Variants in WDFY3 observed in about 807,000 individuals in gnomAD.
The protein encoded by WDFY3 is WD repeat and FYVE domain-containing protein 3.
Under a neutral mutation model 409.6 loss-of-function variants are expected in WDFY3, and 66 were observed. The ratio of observed to expected loss-of-function variants is 0.16; its 90% CI spans 0.13 to 0.20. The LOEUF (loss-of-function observed/expected upper bound fraction) is 0.20. Ranked by LOEUF, WDFY3 falls within the 10% of genes least tolerant of loss-of-function variation. WDFY3 has a pLI of 1.00. For missense variants in WDFY3, 3,031 were observed against 4,298.1 expected (o/e 0.71, Z 8.24); for synonymous variants, 1,521 against 1,537.1 (o/e 0.99, Z 0.25).
intron 33 of WDFY3, 71 bp from the exon 34 acceptor site, chr4:84,755,471 A>C: frequency 6.6e-7 from 1 of 1,525,332 alleles, no homozygotes. Context: ...AAGTTCTAAT[A>C]GGCTAAAATT....
intron 2 of WDFY3, among the ~76,000 whole-genome samples, chr4:84,910,980 A>T (rs952546915): frequency 7.9e-5 from 12 of 151,830 alleles, no homozygotes; most frequent in African/African-American, 2.4e-4. Context: ...TCGGCCTCCC[A>T]AAGTGCTGGG....
intron 43 of WDFY3, among the ~76,000 whole-genome samples, chr4:84,734,305 A>C (rs1737079985): frequency 6.6e-6 from 1 of 152,244 alleles, no homozygotes; most frequent in Non-Finnish European, 1.5e-5. Flanking sequence ...GATTCATGGA[A>C]TATAAGTATA....
intron 67 of WDFY3, among the ~76,000 whole-genome samples, chr4:84,675,967 A>T (rs1726217380): frequency 6.6e-6 from 1 of 152,224 alleles, no homozygotes; most frequent in Non-Finnish European, 1.5e-5. Context: ...GTGAAAAATA[A>T]AACTTTGAAA....
At chr4:84,772,814 C>T in intron 30 of WDFY3, 21 bp downstream of exon 30, 1 of 1,594,804 alleles carries the variant, frequency 6.3e-7, no homozygotes, top group Non-Finnish European at 8.6e-7. Context: ...CTATCTTCTC[C>T]AAGCTCCAGA....
intron 3 of WDFY3, among the ~76,000 whole-genome samples, chr4:84,875,927 T>C (rs778922859): frequency 5.3e-5 from 8 of 152,202 alleles, no homozygotes; most frequent in Non-Finnish European, 1.0e-4. Context: ...TGAAGCTGTC[T>C]TACAGTTAGT....
chr4:84,682,318 G>A, intron 64 of WDFY3, 56 bp downstream of exon 64: 1 of 1,527,498 alleles, frequency 6.5e-7, no homozygotes. Flanking sequence ...CTTATCCACA[G>A]TGACTTAAAA....
intron 10 of WDFY3, among the ~76,000 whole-genome samples, chr4:84,822,564 T>G (rs1266450888): frequency 6.6e-6 from 1 of 152,012 alleles, no homozygotes; most frequent in African/African-American, 2.4e-5. Context: ...CTGGGGATGG[T>G]GGCATGTGCC....
At chr4:84,773,029 A>C in intron 29 of WDFY3, 100 bp from the exon 30 acceptor site, 26 of 869,264 alleles carry the variant, frequency 3.0e-5, no homozygotes, top group Non-Finnish European at 3.9e-5. Flanking sequence ...AAAAACCAAA[A>C]CAGTACTTTT....
rs1739345727 is a variant in WDFY3, at chr4:84,745,855, T to C, written c.5974-2056A>G. ...CATTGGGAGTCTTATCCCTATAAACTGAAGAGGATGTGAGGACTTTTAAGT... is the reference window on the plus strand; with the variant it reads ...CATTGGGAGTCTTATCCCTATAAACCGAAGAGGATGTGAGGACTTTTAAGT... On this transcript the variant is annotated intron_variant, in intron 36 of 67. Transcript: ENST00000295888. 3.3e-5 allele frequency among the ~76,000 whole-genome samples: 5 copies of C among 152,210 alleles called. No individual in the cohort carries two copies. In the South Asian group the frequency reaches 1.0e-3, roughly 32 times the overall value.
At chr4:84,694,312 T>C (rs1401343210) in intron 58 of WDFY3, among the ~76,000 whole-genome samples, 1 of 152,178 alleles carries the variant, frequency 6.6e-6, no homozygotes, top group Non-Finnish European at 1.5e-5. Context: ...TATATAATGA[T>C]GTATGGAGAT....
intron 2 of WDFY3, among the ~76,000 whole-genome samples, chr4:84,928,169 T>C (rs1770258888): frequency 6.6e-6 from 1 of 152,228 alleles, no homozygotes; most frequent in South Asian, 2.1e-4. Flanking sequence ...GAAGCCAGGA[T>C]GCCCTTCATC....
intron 1 of WDFY3, among the ~76,000 whole-genome samples, chr4:84,957,958 G>T (rs1774449773): frequency 6.6e-6 from 1 of 152,130 alleles, no homozygotes; most frequent in African/African-American, 2.4e-5. Context: ...AAAACATTCT[G>T]CAATGAACTT....
chr4:84,732,769 A>G (rs1736814894), intron 44 of WDFY3, among the ~76,000 whole-genome samples: 1 of 152,014 alleles, frequency 6.6e-6, no homozygotes, highest in African/African-American at 2.4e-5. Flanking sequence ...TTCTTTATCT[A>G]TTACTCTGCT....
intron 15 of WDFY3, among the ~76,000 whole-genome samples, chr4:84,805,110 A>C (rs1268227307): frequency 6.6e-6 from 1 of 152,200 alleles, no homozygotes; most frequent in East Asian, 1.9e-4. Flanking sequence ...AAAATTATTA[A>C]AAATATTACA....
At chr4:84,773,477 G>T (rs564454667) in intron 29 of WDFY3, among the ~76,000 whole-genome samples, 1 of 152,194 alleles carries the variant, frequency 6.6e-6, no homozygotes, top group African/African-American at 2.4e-5. Context: ...CTGGAGTAGG[G>T]GGAACAGGAG....
intron 13 of WDFY3, among the ~76,000 whole-genome samples, chr4:84,813,642 T>C (rs78355403): frequency 0.037 from 5,599 of 152,188 alleles, 307 homozygotes; most frequent in African/African-American, 0.13. Context: ...TCTTCCAGCC[T>C]GAGAATCAGT....
intron 3 of WDFY3, among the ~76,000 whole-genome samples, chr4:84,869,267 C>T (rs532699335): frequency 1.8e-4 from 27 of 152,344 alleles, no homozygotes; most frequent in African/African-American, 6.0e-4. Context: ...TTCTCACTCG[C>T]TGAATCTGTG....
intron 6 of WDFY3, among the ~76,000 whole-genome samples, 200 bp downstream of exon 6, chr4:84,840,954 A>G (rs1193629792): frequency 1.3e-5 from 2 of 152,148 alleles, no homozygotes; most frequent in Admixed American, 6.6e-5. Context: ...GCGTTTCCTT[A>G]TGAGTAAAAT....
At chr4:84,772,782 A>G in intron 30 of WDFY3, 53 bp downstream of exon 30, 1 of 1,429,264 alleles carries the variant, frequency 7.0e-7, no homozygotes, top group Non-Finnish European at 9.7e-7. Context: ...AGAAGAAAAA[A>G]GGCATAATAT....
Sources: gnomAD v4.1 joint callset for allele counts (sites outside exome capture counted in the v4.1 genomes callset) on GRCh38, gnomAD v4.1.1 for gene constraint, MANE v1.5 for transcripts, NCBI Gene and HGNC (gene_info 2026-07-23, HGNC 2026-07-21) for gene names.